TTC6: variants seen among roughly 807,000 people sequenced by gnomAD.
TTC6 encodes tetratricopeptide repeat domain 6, also known as tetratricopeptide repeat protein 6.
TTC6 carries 172 observed loss-of-function variants against 210.4 expected under a neutral mutation model. That is an observed-to-expected ratio of 0.82 (90% confidence interval 0.72 to 0.93). The LOEUF (loss-of-function observed/expected upper bound fraction) is 0.93. TTC6 is among the 40% of genes least tolerant of loss of function. The pLI is 0.00. For synonymous variants in TTC6, 804 were observed against 819.6 expected, an observed-to-expected ratio of 0.98 and a Z score of 0.32; for missense variants, 2,414 against 2,318.1, an observed-to-expected ratio of 1.04 and a Z score of -0.85.
At chr14:37,601,813 C>T (rs765192399) in intron 1 of TTC6, among the ~76,000 whole-genome samples, 2 of 152,140 alleles carry the variant, frequency 1.3e-5, no homozygotes, top group East Asian at 1.9e-4. Context: ...GGGTGGTCAA[C>T]GTGTGACCCA....
intron 12 of TTC6, among the ~76,000 whole-genome samples, chr14:37,750,392 A>G (rs2139028277): frequency 6.6e-6 from 1 of 152,316 alleles, no homozygotes; most frequent in East Asian, 1.9e-4. Context: ...ACCTGTGTTG[A>G]TCTCTGCTAA....
chr14:37,684,611 A>T (rs2138573468), intron 3 of TTC6, among the ~76,000 whole-genome samples: 1 of 152,304 alleles, frequency 6.6e-6, no homozygotes, highest in Non-Finnish European at 1.5e-5. Flanking sequence ...TTGTTGTGGG[A>T]TATTGTGGGA....
At position 37,757,527 on chromosome 14, in the gene TTC6, C is replaced by A. The variant is rs192403049; in HGVS notation, c.3266+4292C>A. Among the ~76,000 whole-genome samples the A allele has an allele frequency of 1.6e-3, 248 of 152,224 alleles. 3 individuals carry two copies. Among genetic ancestry groups the A allele is most frequent in the Admixed American group, 0.014 (214 of 15,288 alleles). ...TGACCTCGTGATCCACCCACCTTGG[C>A]CTTCCAAAATGCTGGGATTACAGGC... On this transcript the variant is annotated intron_variant, in intron 14 of 30. Coordinates refer to ENST00000553443, the Ensembl canonical transcript of TTC6.
At chr14:37,701,565 T>C in intron 5 of TTC6, 39 bp downstream of exon 7, 1 of 1,391,860 alleles carries the variant, frequency 7.2e-7, no homozygotes, top group Non-Finnish European at 9.4e-7. Context: ...AAGCTAAATG[T>C]AAACTGTCAT....
At chr14:37,832,333 T>A (rs1335690891) in intron 29 of TTC6, among the ~76,000 whole-genome samples, 40 of 4,806 alleles carry the variant, frequency 8.3e-3, no homozygotes, top group Non-Finnish European at 0.051. Context: ...TTCTCTCTTT[T>A]TTTTTTTTTT....
At chr14:37,676,712 A>G (rs1161863522) in intron 1 of TTC6, among the ~76,000 whole-genome samples, 1 of 152,086 alleles carries the variant, frequency 6.6e-6, no homozygotes, top group Non-Finnish European at 1.5e-5. Context: ...ACATTCAGGT[A>G]TTTGACCCAT....
At chr14:37,675,635 T>C (rs1443696703) in intron 1 of TTC6, among the ~76,000 whole-genome samples, 1 of 152,050 alleles carries the variant, frequency 6.6e-6, no homozygotes, top group Non-Finnish European at 1.5e-5. Context: ...ATGCAAGTTT[T>C]TGAGGAACCA....
intron 1 of TTC6, among the ~76,000 whole-genome samples, chr14:37,638,135 A>C (rs1307793721): frequency 1.3e-5 from 2 of 152,240 alleles, no homozygotes; most frequent in Admixed American, 1.3e-4. Flanking sequence ...AAGGAAATGA[A>C]GTATTGATAC....
intron 14 of TTC6, among the ~76,000 whole-genome samples, chr14:37,777,493 C>T (rs533298935): frequency 1.8e-4 from 28 of 152,102 alleles, no homozygotes; most frequent in Non-Finnish European, 3.7e-4. Flanking sequence ...CATCTTTTAT[C>T]TGCTGTATCA....
exon 30 of TTC6, chr14:37,841,630 C>T (rs1446449763): frequency 6.2e-7 from 1 of 1,603,726 alleles, no homozygotes; most frequent in East Asian, 2.2e-5. Flanking sequence ...TCTACTACTG[C>T]TTAAAGCAAT....
chr14:37,714,914 A>C, intron 6 of TTC6, 118 bp downstream of exon 8: 7 of 939,292 alleles, frequency 7.5e-6, no homozygotes, highest in Non-Finnish European at 1.1e-5. Context: ...GTGGTAGCTC[A>C]CGCCTGTAAT....
At position 37,629,227 on chromosome 14, in the gene TTC6, C is replaced by T. The variant is rs112287172; in HGVS notation, c.939+6224C>T. ...GGCCATTTTCACGATATTGATTCTTCCTATCCATGAGCATGGAATATTTTT... is the reference window on the plus strand; with the variant it reads ...GGCCATTTTCACGATATTGATTCTTTCTATCCATGAGCATGGAATATTTTT... On this transcript the variant is annotated intron_variant, in intron 1 of 30. Transcript: ENST00000553443. 2.3e-3 allele frequency among the ~76,000 whole-genome samples: 351 copies of T among 152,292 alleles called. 5 individuals are homozygous for T. Among genetic ancestry groups the T allele is most frequent in the African/African-American group, 8.0e-3 (332 of 41,550 alleles).
chr14:37,724,204 T>G (rs558876809), intron 6 of TTC6, among the ~76,000 whole-genome samples: 1 of 152,172 alleles, frequency 6.6e-6, no homozygotes, highest in Non-Finnish European at 1.5e-5. Flanking sequence ...TACTTCTTAA[T>G]TCCATTTCTC....
At chr14:37,671,799 G>A (rs2095758717) in intron 1 of TTC6, among the ~76,000 whole-genome samples, 1 of 152,084 alleles carries the variant, frequency 6.6e-6, no homozygotes, top group Admixed American at 6.6e-5. Context: ...GGAAATGATT[G>A]GATTATGGGG....
chr14:37,633,470 C>T (rs1201075631), intron 1 of TTC6, among the ~76,000 whole-genome samples: 1 of 152,170 alleles, frequency 6.6e-6, no homozygotes, highest in African/African-American at 2.4e-5. Flanking sequence ...TCTAACCAGT[C>T]CCATTGTGAT....
intron 15 of TTC6, among the ~76,000 whole-genome samples, chr14:37,789,679 A>T (rs984811280): frequency 4.0e-5 from 6 of 148,354 alleles, no homozygotes; most frequent in Admixed American, 2.7e-4. Context: ...TATATATATA[A>T]AAATATATAC....
chr14:37,834,584 T>C (rs1430028670), intron 29 of TTC6, among the ~76,000 whole-genome samples: 1 of 152,194 alleles, frequency 6.6e-6, no homozygotes, highest in East Asian at 1.9e-4. Flanking sequence ...TCATGAAGTT[T>C]TTTTTATTTC....
intron 1 of TTC6, among the ~76,000 whole-genome samples, chr14:37,597,111 C>A (rs1355935723): frequency 1.3e-5 from 2 of 151,612 alleles, no homozygotes; most frequent in African/African-American, 4.9e-5. Flanking sequence ...AGGGCAGGAA[C>A]CCTCCCTAAT....
intron 17 of TTC6, among the ~76,000 whole-genome samples, chr14:37,794,740 T>C (rs2096088433): frequency 6.6e-6 from 1 of 152,156 alleles, no homozygotes; most frequent in Non-Finnish European, 1.5e-5. Flanking sequence ...ACTTTATTTC[T>C]TAGTCTTTAT....
Sources: allele counts gnomAD v4.1 joint callset (sites outside exome capture counted in the v4.1 genomes callset), GRCh38; gene constraint gnomAD v4.1.1; transcripts MANE v1.5; gene names NCBI Gene and HGNC (gene_info 2026-07-23, HGNC 2026-07-21).